The following EXOC6B variants were observed in gnomAD, a reference collection of about 807,000 sequenced individuals.
The protein encoded by EXOC6B is SEC15 homolog B.
EXOC6B carries 54 observed loss-of-function variants against 113.5 expected under a neutral mutation model. That is an observed-to-expected ratio of 0.48 (90% confidence interval 0.38 to 0.60). EXOC6B has a LOEUF of 0.60. Among genes scored for constraint, EXOC6B ranks in the 20% least tolerant of loss-of-function variants. The pLI is 0.00. For missense variants in EXOC6B, 797 were observed against 977.5 expected (o/e 0.82, Z 2.46); for synonymous variants, 357 against 339.0 (o/e 1.05, Z -0.58).
chr2:72,525,374 C>T (rs1701704421), intron 8 of EXOC6B, among the ~76,000 whole-genome samples: 1 of 152,030 alleles, frequency 6.6e-6, no homozygotes, highest in African/African-American at 2.4e-5. Context: ...TAACCTTTGA[C>T]CCAAGATGAT....
rs150569006 is a variant in EXOC6B, at chr2:72,181,655, C to G, written c.2310-2194G>C. Among the ~76,000 whole-genome samples the G allele has an allele frequency of 3.7e-3, 570 of 152,280 alleles. 5 individuals are homozygous for G. Among genetic ancestry groups the G allele is most frequent in the African/African-American group, 0.013 (551 of 41,544 alleles). The stretch of plus-strand genomic sequence containing the variant: ...TGGAAGCAGCTGAGAGACAGGCAGC[C>G]CGCTGGCTTTTGGCTCCCACAGGGA... On this transcript the variant is annotated intron_variant, in intron 21 of 21. Coordinates refer to ENST00000272427, the MANE Select transcript of EXOC6B (RefSeq NM_015189.3).
At chr2:72,710,534 G>A (rs547719425) in intron 6 of EXOC6B, among the ~76,000 whole-genome samples, 144 of 152,222 alleles carry the variant, frequency 9.5e-4, no homozygotes, top group Non-Finnish European at 1.6e-3. Flanking sequence ...AAGAAGAAAA[G>A]AGAAAAGAAA....
intron 18 of EXOC6B, among the ~76,000 whole-genome samples, chr2:72,430,079 G>A (rs1309586676): frequency 1.4e-4 from 21 of 152,090 alleles, no homozygotes; most frequent in Admixed American, 1.2e-3. Flanking sequence ...TTGAAAGAAC[G>A]TAATAATATA....
At position 72,575,585 on chromosome 2, in the gene EXOC6B, A is replaced by G. The variant is rs1704789160; in HGVS notation, c.753T>C (p.Tyr251=). 3 of 1,610,962 alleles carry G rather than the reference A, an allele frequency of 1.9e-6. No homozygotes were observed. The highest frequency in any genetic ancestry group is 1.7e-4 in the Middle Eastern group (1 of 6,058). The change falls in exon 7 of 22, where the codon TAT becomes TAC. Residue 251 remains tyrosine (Y), a synonymous_variant. Transcript: ENST00000272427. ...TTTCTATCTCTGTATCAAAGATTAT[A>G]TATGCATCTTTCTTAGATTTCCTCT... ...GSKRKSKKDA[Y]IIFDTEIEST...
intron 6 of EXOC6B, among the ~76,000 whole-genome samples, chr2:72,605,595 A>C (rs2104034222): frequency 6.6e-6 from 1 of 152,292 alleles, no homozygotes; most frequent in South Asian, 2.1e-4. Flanking sequence ...ATAAGAAGAA[A>C]CCTTTATTCT....
At chr2:72,672,447 G>A (rs12468173) in intron 6 of EXOC6B, among the ~76,000 whole-genome samples, 91,777 of 150,246 alleles carry the variant, frequency 0.61, 34,179 homozygotes, top group East Asian at 0.99. Context: ...TGGCTAACAC[G>A]GTGAAACCCG....
At chr2:72,411,857 A>T (rs1430953495) in intron 18 of EXOC6B, among the ~76,000 whole-genome samples, 1 of 152,230 alleles carries the variant, frequency 6.6e-6, no homozygotes, top group Non-Finnish European at 1.5e-5. Flanking sequence ...GAGGAGATAG[A>T]GTCTAAAGTT....
chr2:72,516,295 T>G (rs577614782), intron 8 of EXOC6B, among the ~76,000 whole-genome samples: 59 of 152,324 alleles, frequency 3.9e-4, no homozygotes, highest in Non-Finnish European at 7.1e-4. Flanking sequence ...GTCACCAGGC[T>G]GGAGTGCAGT....
intron 18 of EXOC6B, among the ~76,000 whole-genome samples, chr2:72,432,037 C>CT: frequency 6.6e-6 from 1 of 151,460 alleles, no homozygotes; most frequent in South Asian, 2.1e-4. Context: ...TCTTTTTTTT[C>CT]TTTTTTCTTT....
At chr2:72,194,597 C>CTCTCTCTCTCTCTCTCTCTG (rs747161190) in intron 20 of EXOC6B, among the ~76,000 whole-genome samples, 50 of 147,290 alleles carry the variant, frequency 3.4e-4, no homozygotes, top group African/African-American at 1.1e-3. Context: ...CTCTCTCTCT[C>CTCTCTCTCTCTCTCTCTCTG]TGTGTGTGTG....
chr2:72,274,939 A>C (rs1405759649), intron 20 of EXOC6B, among the ~76,000 whole-genome samples: 2 of 152,150 alleles, frequency 1.3e-5, no homozygotes, highest in East Asian at 3.8e-4. Flanking sequence ...ATTAGAGGGA[A>C]TAGATAAGAA....
chr2:72,571,101 G>A (rs1383380329), intron 7 of EXOC6B, among the ~76,000 whole-genome samples: 1 of 152,116 alleles, frequency 6.6e-6, no homozygotes, highest in Admixed American at 6.5e-5. Context: ...TATTCCTGAT[G>A]AGTCTAGATC....
intron 8 of EXOC6B, among the ~76,000 whole-genome samples, chr2:72,550,572 A>G (rs1001139822): frequency 6.6e-6 from 1 of 152,236 alleles, no homozygotes; most frequent in Admixed American, 6.5e-5. Context: ...ATTAATTGCT[A>G]TAGAAAATTT....
chr2:72,413,250 T>C (rs1181509979), intron 18 of EXOC6B, among the ~76,000 whole-genome samples: 3 of 150,680 alleles, frequency 2.0e-5, no homozygotes, highest in East Asian at 2.0e-4. Context: ...CGTGAACCAC[T>C]GCGCCCAGCC....
chr2:72,337,330 T>C (rs894709515), intron 19 of EXOC6B, among the ~76,000 whole-genome samples: 5 of 152,168 alleles, frequency 3.3e-5, no homozygotes, highest in Admixed American at 1.3e-4. Context: ...CTCAAGTCTA[T>C]GCTGTATCAC....
chr2:72,405,906 G>T (rs1462925408), intron 18 of EXOC6B, among the ~76,000 whole-genome samples: 2 of 152,276 alleles, frequency 1.3e-5, no homozygotes, highest in African/African-American at 4.8e-5. Context: ...ACACAGACTG[G>T]CAAATTGGAT....
At chr2:72,495,160 C>T (rs1699969134) in intron 15 of EXOC6B, among the ~76,000 whole-genome samples, 1 of 151,930 alleles carries the variant, frequency 6.6e-6, no homozygotes, top group Non-Finnish European at 1.5e-5. Flanking sequence ...ATCCAGCCTA[C>T]CATTTTCTAG....
intron 6 of EXOC6B, among the ~76,000 whole-genome samples, chr2:72,626,499 G>C (rs1280185842): frequency 1.3e-5 from 2 of 152,128 alleles, no homozygotes; most frequent in Non-Finnish European, 2.9e-5. Flanking sequence ...GAGATGCTAT[G>C]AATTCTCTTA....
At chr2:72,249,350 G>A (rs1682865361) in intron 20 of EXOC6B, among the ~76,000 whole-genome samples, 1 of 152,010 alleles carries the variant, frequency 6.6e-6, no homozygotes, top group Non-Finnish European at 1.5e-5. Context: ...AGCCTCCCGG[G>A]TTCACGTCAT....
Sources: allele counts gnomAD v4.1 joint callset (sites outside exome capture counted in the v4.1 genomes callset), GRCh38; gene constraint gnomAD v4.1.1; transcripts MANE v1.5; gene names NCBI Gene and HGNC (gene_info 2026-07-23, HGNC 2026-07-21).